The following NUP42 variants were observed in gnomAD, a reference collection of about 807,000 sequenced individuals.
The protein encoded by NUP42 is nucleoporin NUP42.
Under a neutral mutation model 35.9 loss-of-function variants are expected in NUP42, and 47 were observed. That is an observed-to-expected ratio of 1.31 (90% CI 1.04 to 1.67). The LOEUF is 1.67. Ranked by LOEUF, NUP42 falls within the 40% of genes most tolerant of loss-of-function variation. NUP42 has a pLI of 0.00. For synonymous variants in NUP42, 173 were observed against 173.3 expected (o/e 1.00, Z 0.01); for missense variants, 514 against 492.2 (o/e 1.04, Z -0.42).
intron 3 of NUP42, among the ~76,000 whole-genome samples, chr7:23,188,898 A>C (rs1785693929): frequency 6.6e-6 from 1 of 152,258 alleles, no homozygotes; most frequent in South Asian, 2.1e-4. Context: ...GAGGCAATAA[A>C]TTACTAGTAG....
At chr7:23,193,075 G>T (rs772963315) in intron 3 of NUP42, among the ~76,000 whole-genome samples, 2 of 151,320 alleles carry the variant, frequency 1.3e-5, no homozygotes, top group Non-Finnish European at 2.9e-5. Context: ...CTCTTAAGGC[G>T]GCCCGTCTGG....
chr7:23,189,664 G>C (rs1416096732), intron 3 of NUP42, among the ~76,000 whole-genome samples: 1 of 151,664 alleles, frequency 6.6e-6, no homozygotes, highest in Non-Finnish European at 1.5e-5. Context: ...TGTAATCCCA[G>C]CACTTTGGGA....
chr7:23,196,445 G>T, intron 4 of NUP42: 1 of 452,190 alleles, frequency 2.2e-6, no homozygotes, highest in South Asian at 2.8e-5. Context: ...ACTACGTGCT[G>T]CCAGGTACTT....
intron 6 of NUP42, among the ~76,000 whole-genome samples, chr7:23,199,929 CTTGGG>C (rs1234161852): frequency 6.6e-6 from 1 of 152,080 alleles, no homozygotes; most frequent in East Asian, 1.9e-4. Context: ...GTGGTTTCTC[CTTGGG>C]TGAAGGTCGA....
At chr7:23,182,300 C>A (rs1785434586) in intron 1 of NUP42, 94 bp downstream of exon 1, 1 of 1,510,074 alleles carries the variant, frequency 6.6e-7, no homozygotes, top group Non-Finnish European at 8.8e-7. Context: ...GCTGGTGACC[C>A]CAACGTGCCC....
chr7:23,193,996 G>A (rs1018654538), intron 3 of NUP42, among the ~76,000 whole-genome samples: 3 of 152,234 alleles, frequency 2.0e-5, no homozygotes, highest in Admixed American at 6.5e-5. Flanking sequence ...CTCATTGCCC[G>A]GCAGGGCCAG....
intron 2 of NUP42, among the ~76,000 whole-genome samples, chr7:23,186,252 T>G (rs921710285): frequency 3.3e-5 from 5 of 152,258 alleles, no homozygotes. Flanking sequence ...AATTGGTTAG[T>G]CTTTTACTTA....
At chr7:23,199,192 C>G (rs564757000) in intron 5 of NUP42, among the ~76,000 whole-genome samples, 6 of 152,164 alleles carry the variant, frequency 3.9e-5, no homozygotes, top group Admixed American at 2.6e-4. Flanking sequence ...ATCCTCCCAC[C>G]TCAGGCTCCC....
intron 5 of NUP42, 54 bp from the exon 6 acceptor site, chr7:23,199,404 T>C: frequency 7.2e-7 from 1 of 1,387,220 alleles, no homozygotes; most frequent in Non-Finnish European, 1.0e-6. Flanking sequence ...ATAGAAAAGA[T>C]ACTGGAGCAC....
chr7:23,188,992 C>T lies in NUP42; in HGVS notation c.445+1846C>T, dbSNP rs146151331. ...GATAAAAATTATTAATTTTGTTAAC[C>T]CTTGACCCTGAGTACGCACCTTTTT... On this transcript the variant is annotated intron_variant, in intron 3 of 6. Transcript: ENST00000258742. Among the ~76,000 whole-genome samples, 348 of 152,156 alleles carry T rather than the reference C, an allele frequency of 2.3e-3. 1 individual carries two copies. Among genetic ancestry groups the T allele is most frequent in the Middle Eastern group, 3.4e-3 (1 of 294 alleles).
chr7:23,186,009 G>C (rs1054363220), intron 2 of NUP42, among the ~76,000 whole-genome samples: 1 of 152,102 alleles, frequency 6.6e-6, no homozygotes. Context: ...CAAAGTGCTG[G>C]GATTATAGGC....
In NUP42 at chr7:23,199,343, C is replaced by T. The variant is rs1311885706; in HGVS notation, c.610-115C>T. 4.9e-6 allele frequency: 4 copies of T among 816,108 alleles called. No individual in the cohort carries two copies. The East Asian group carries it at 7.9e-5, about 16-fold the overall frequency. The allele number at this position is 816,108 out of a possible 1,614,324, so 50.6% of individuals were successfully genotyped here. On this transcript the variant is annotated intron_variant, in intron 5 of 6. Coordinates refer to ENST00000258742, the MANE Select transcript of NUP42 (RefSeq NM_007342.3). ...CTAGGATTACAGGTGTGAGCCACCA[C>T]ACCCAGCCTTTAATGCACATTTTAA...
intron 2 of NUP42, among the ~76,000 whole-genome samples, chr7:23,185,985 C>T (rs1767588519): frequency 6.6e-6 from 1 of 151,832 alleles, no homozygotes; most frequent in South Asian, 2.1e-4. Flanking sequence ...AGTGATCTGC[C>T]TGCCTCAGCC....
intron 3 of NUP42, among the ~76,000 whole-genome samples, chr7:23,189,249 A>G (rs1337880524): frequency 1.3e-5 from 2 of 152,228 alleles, no homozygotes; most frequent in African/African-American, 4.8e-5. Context: ...AAATTACGGA[A>G]AACTTTGTCA....
intron 3 of NUP42, among the ~76,000 whole-genome samples, chr7:23,194,135 AGCCAGCTCAGGCCTTG>A (rs1356312991): frequency 6.6e-6 from 1 of 152,134 alleles, no homozygotes; most frequent in African/African-American, 2.4e-5. Context: ...AAGCTGAGGG[AGCCAGCTCAGGCCTTG>A]GCCAGCCCAG....
intron 5 of NUP42, among the ~76,000 whole-genome samples, chr7:23,198,024 G>A (rs1157789010): frequency 2.0e-5 from 3 of 151,818 alleles, no homozygotes; most frequent in Admixed American, 6.6e-5. Flanking sequence ...TGAGGCAGGC[G>A]GATCACAAGG....
At chr7:23,183,561 G>A (rs776253697) in intron 1 of NUP42, among the ~76,000 whole-genome samples, 7 of 151,994 alleles carry the variant, frequency 4.6e-5, no homozygotes, top group Non-Finnish European at 7.4e-5. Context: ...ATGGTTTCAC[G>A]TCTGATCCCA....
intron 5 of NUP42, among the ~76,000 whole-genome samples, chr7:23,197,878 A>G (rs1329803702): frequency 1.3e-5 from 2 of 152,062 alleles, no homozygotes; most frequent in East Asian, 1.9e-4. Context: ...TTCCATTTGT[A>G]TGAAACTCTG....
intron 3 of NUP42, 23 bp from the exon 4 acceptor site, chr7:23,195,816 T>C: frequency 6.7e-7 from 1 of 1,499,714 alleles, no homozygotes; most frequent in South Asian, 1.2e-5. Flanking sequence ...ATTTTAAAGA[T>C]TCCGATTGAT....
Sources: gnomAD v4.1 joint callset for allele counts (sites outside exome capture counted in the v4.1 genomes callset) on GRCh38, gnomAD v4.1.1 for gene constraint, MANE v1.5 for transcripts, NCBI Gene and HGNC (gene_info 2026-07-23, HGNC 2026-07-21) for gene names.